Variants in FIGN observed in about 807,000 individuals in gnomAD.
FIGN encodes the protein fidgetin, microtubule severing factor, also known as fidgetin.
FIGN carries 11 observed loss-of-function variants against 51.3 expected under a neutral mutation model. The ratio of observed to expected loss-of-function variants is 0.21; its 90% CI spans 0.13 to 0.35. FIGN has a LOEUF of 0.35. FIGN is among the 10% of genes least tolerant of loss of function. FIGN has a pLI of 1.00. For synonymous variants in FIGN, 407 were observed against 363.2 expected (o/e 1.12, Z -1.37); for missense variants, 857 against 943.6 (o/e 0.91, Z 1.20).
intron 2 of FIGN, among the ~76,000 whole-genome samples, chr2:163,709,543 C>CT (rs1253163394): frequency 1.3e-5 from 2 of 152,056 alleles, no homozygotes; most frequent in Non-Finnish European, 2.9e-5. Context: ...AATATCTAGA[C>CT]TTTTTTTCTT....
rs536071793 is a variant in FIGN, at chr2:163,668,374, A to C, written c.26-56568T>G. ...CCAGGAGACTGTGATCACCCAAACT[A>C]AGAGAAGAAACTATTTGAAGAAGGA... On this transcript the variant is annotated intron_variant, in intron 2 of 2. Transcript: ENST00000333129. Among the ~76,000 whole-genome samples the C allele has an allele frequency of 1.2e-3, 177 of 152,262 alleles. 1 individual carries two copies. The highest frequency in any genetic ancestry group is 2.2e-3 in the Non-Finnish European group (151 of 68,010).
intron 2 of FIGN, among the ~76,000 whole-genome samples, chr2:163,713,344 TC>T (rs1454016928): frequency 2.6e-5 from 4 of 152,096 alleles, no homozygotes; most frequent in African/African-American, 9.7e-5. Context: ...AGTGGCTATG[TC>T]ATCAGAGTCT....
chr2:163,722,272 A>T (rs994830585), intron 2 of FIGN, among the ~76,000 whole-genome samples: 20 of 152,364 alleles, frequency 1.3e-4, no homozygotes, highest in African/African-American at 4.8e-4. Flanking sequence ...ACTAGTTTGC[A>T]TCTCACATTT....
intron 2 of FIGN, among the ~76,000 whole-genome samples, chr2:163,705,184 CTT>C (rs1466554891): frequency 6.6e-6 from 1 of 152,108 alleles, no homozygotes; most frequent in Non-Finnish European, 1.5e-5. Context: ...ATTTGAGAAA[CTT>C]TTGGAAAAAG....
Position 163,711,171 on chromosome 2 carries a change from G to A in FIGN, c.25+23732C>T, listed in dbSNP as rs569274241. Among the ~76,000 whole-genome samples the A allele has an allele frequency of 2.6e-5, 4 of 152,202 alleles. No individual in the cohort carries two copies. In the East Asian group the frequency reaches 7.7e-4, roughly 29 times the overall value. On this transcript the variant is annotated intron_variant, in intron 2 of 2. Coordinates refer to ENST00000333129, the MANE Select transcript of FIGN (RefSeq NM_018086.4). ...AGCAAGTCCAGTTACCATAACAAAT[G>A]TACATTTTACCAGCCTTGGAATTCT...
rs915634154 is a variant in FIGN, at chr2:163,606,829, A to G, written c.*2723T>C. ...TTTTGTGAGGCTAAATGAAAATCAC[A>G]TACGACTTCAGCTTCTGTCTAAATA... On this transcript the variant is annotated 3_prime_UTR_variant, in exon 3 of 3. Coordinates refer to ENST00000333129, the MANE Select transcript of FIGN (RefSeq NM_018086.4). 2 of 152,198 alleles carry G rather than the reference A, an allele frequency of 1.3e-5. No homozygotes were observed. The highest frequency in any genetic ancestry group is 2.9e-5 in the Non-Finnish European group (2 of 68,044). The allele number at this position is 152,198 out of a possible 1,614,324, so 9.4% of individuals were successfully genotyped here.
At chr2:163,620,634 T>G (rs755821375) in intron 2 of FIGN, among the ~76,000 whole-genome samples, 11 of 152,190 alleles carry the variant, frequency 7.2e-5, no homozygotes, top group Non-Finnish European at 1.5e-4. Flanking sequence ...TAAAATATTT[T>G]GCAGAGATAA....
At chr2:163,730,521 T>G (rs1307850778) in intron 2 of FIGN, among the ~76,000 whole-genome samples, 1 of 151,942 alleles carries the variant, frequency 6.6e-6, no homozygotes, top group Non-Finnish European at 1.5e-5. Flanking sequence ...TGTGTGTGTG[T>G]GTGTGTGTGT....
At chr2:163,677,472 G>T (rs377562243) in intron 2 of FIGN, among the ~76,000 whole-genome samples, 143 of 152,268 alleles carry the variant, frequency 9.4e-4, no homozygotes, top group South Asian at 2.3e-3. Flanking sequence ...TTGAAATGTG[G>T]CTACTGCAAA....
chr2:163,636,646 G>A (rs1026510109), intron 2 of FIGN, among the ~76,000 whole-genome samples: 1 of 152,108 alleles, frequency 6.6e-6, no homozygotes, highest in African/African-American at 2.4e-5. Flanking sequence ...CTTGCTTTTG[G>A]TAAGTATTTG....
Position 163,604,122 on chromosome 2 carries a change from A to G in FIGN, c.*5430T>C, listed in dbSNP as rs1204336016. On this transcript the variant is annotated 3_prime_UTR_variant, in exon 3 of 3. Coordinates refer to ENST00000333129, the MANE Select transcript of FIGN (RefSeq NM_018086.4). ...TTTTTCTTAATTTATATCAGGAGTC[A>G]CAGAATTAAAATGAAGGCATTTTCA... 1 of 152,122 alleles carries G rather than the reference A, an allele frequency of 6.6e-6. No homozygotes were observed. The highest frequency in any genetic ancestry group is 1.5e-5 in the Non-Finnish European group (1 of 67,998). The allele number at this position is 152,122 out of a possible 1,614,324, so 9.4% of individuals were successfully genotyped here.
rs539264417 is a variant in FIGN at position 163,662,752 on chromosome 2, T to A, written c.26-50946A>T. Among the ~76,000 whole-genome samples the A allele has an allele frequency of 3.3e-5, 5 of 152,348 alleles. No homozygotes were observed. In the South Asian group the frequency reaches 1.0e-3, roughly 32 times the overall value. ...TCAACTTGAATTTTATCTCCCAGAA[T>A]TCCCCCTGTTGTCAGAGGGACCTGA... is the stretch of plus-strand genomic sequence containing the variant. On this transcript the variant is annotated intron_variant, in intron 2 of 2. Transcript: ENST00000333129.
At chr2:163,679,838 T>TA (rs962890555) in intron 2 of FIGN, among the ~76,000 whole-genome samples, 1 of 152,200 alleles carries the variant, frequency 6.6e-6, no homozygotes, top group Non-Finnish European at 1.5e-5. Context: ...TAACTTATCT[T>TA]AAAAAAAATC....
At chr2:163,716,104 G>A (rs941900471) in intron 2 of FIGN, among the ~76,000 whole-genome samples, 1 of 152,178 alleles carries the variant, frequency 6.6e-6, no homozygotes, top group African/African-American at 2.4e-5. Flanking sequence ...AACTATAGTT[G>A]TCTGTATGAA....
At chr2:163,680,340 T>C (rs943788819) in intron 2 of FIGN, among the ~76,000 whole-genome samples, 2 of 152,192 alleles carry the variant, frequency 1.3e-5, no homozygotes, top group African/African-American at 4.8e-5. Context: ...CCTTTTATGA[T>C]TCTTGCTATC....
At chr2:163,651,136 G>A (rs985577447) in intron 2 of FIGN, among the ~76,000 whole-genome samples, 3 of 152,104 alleles carry the variant, frequency 2.0e-5, no homozygotes, top group African/African-American at 7.2e-5. Context: ...TTATAGTCTG[G>A]GTTTCTGAGT....
chr2:163,632,744 A>C (rs982368640), intron 2 of FIGN, among the ~76,000 whole-genome samples: 1 of 152,216 alleles, frequency 6.6e-6, no homozygotes, highest in Non-Finnish European at 1.5e-5. Context: ...TAGGAGAAAG[A>C]ACTAAAGAGA....
intron 2 of FIGN, among the ~76,000 whole-genome samples, chr2:163,694,429 A>C (rs1469886518): frequency 6.6e-6 from 1 of 152,156 alleles, no homozygotes; most frequent in Non-Finnish European, 1.5e-5. Flanking sequence ...CCAATTAACC[A>C]TAACCCTAAC....
At chr2:163,670,993 T>C (rs576185515) in intron 2 of FIGN, among the ~76,000 whole-genome samples, 2 of 152,322 alleles carry the variant, frequency 1.3e-5, no homozygotes, top group South Asian at 4.1e-4. Flanking sequence ...CAATAATATT[T>C]AACCAACCAT....
Sources: allele counts gnomAD v4.1 joint callset (sites outside exome capture counted in the v4.1 genomes callset), GRCh38; gene constraint gnomAD v4.1.1; transcripts MANE v1.5; gene names NCBI Gene and HGNC (gene_info 2026-07-23, HGNC 2026-07-21).